The following PLPBP variants were observed in gnomAD, a reference collection of about 807,000 sequenced individuals.
The protein encoded by PLPBP is pyridoxal phosphate homeostasis protein.
In PLPBP, 21 loss-of-function variants were observed where a neutral mutation model predicts 31.2. That is an observed-to-expected ratio of 0.67 (90% CI 0.48 to 0.97). The LOEUF (loss-of-function observed/expected upper bound fraction) is 0.97, where lower values mean the gene tolerates loss of function less well. Ranked by LOEUF, PLPBP falls within the 50% of genes least tolerant of loss-of-function variation. The pLI, the probability that PLPBP is intolerant of heterozygous loss-of-function variation, is 0.00. For synonymous variants in PLPBP, 124 were observed against 135.6 expected, an observed-to-expected ratio of 0.91 and a Z score of 0.59; for missense variants, 308 against 354.4, an observed-to-expected ratio of 0.87 and a Z score of 1.05.
intron 5 of PLPBP, among the ~76,000 whole-genome samples, chr8:37,773,319 C>T (rs1311212625): frequency 6.9e-6 from 1 of 143,938 alleles, no homozygotes; most frequent in Non-Finnish European, 1.5e-5. Flanking sequence ...AGGCGTGCAC[C>T]ACCACGCCTG....
In PLPBP at chr8:37,768,793, C is replaced by T. The variant is rs561870333; in HGVS notation, c.319+2438C>T. The stretch of plus-strand genomic sequence containing the variant: ...CGGCGGTTTTGATTTTCATTAATAA[C>T]GAATGATGTTGAGCATCTCTTCATG... On this transcript the variant is annotated intron_variant, in intron 4 of 7. Coordinates refer to ENST00000328195, the MANE Select transcript of PLPBP (RefSeq NM_007198.4). Among the ~76,000 whole-genome samples, 13 of 151,872 alleles carry T rather than the reference C, an allele frequency of 8.6e-5. No individual in the cohort carries two copies. The South Asian group carries it at 2.5e-3, about 29-fold the overall frequency.
chr8:37,775,584 C>A, intron 6 of PLPBP, 103 bp downstream of exon 6: 1 of 1,508,934 alleles, frequency 6.6e-7, no homozygotes, highest in Non-Finnish European at 9.0e-7. Flanking sequence ...ATCCCAGACA[C>A]TGCCTGTTGA....
chr8:37,771,497 G>A (rs1398050672), intron 4 of PLPBP, among the ~76,000 whole-genome samples: 1 of 151,802 alleles, frequency 6.6e-6, no homozygotes, highest in African/African-American at 2.4e-5. Context: ...TGTTGGACAG[G>A]CTGGTCTTGA....
Position 37,771,100 on chromosome 8 carries a change from G to A in PLPBP, c.320-1655G>A, listed in dbSNP as rs111696699. 5.5e-3 allele frequency among the ~76,000 whole-genome samples: 833 copies of A among 152,250 alleles called. 8 individuals are homozygous for A. The highest frequency in any genetic ancestry group is 0.019 in the African/African-American group (787 of 41,550). ...TAATCCCAACACTTTGGGAGGCCAA[G>A]GTGGGAGGATCACTTGAAGCCAAAT... On this transcript the variant is annotated intron_variant, in intron 4 of 7. Coordinates refer to ENST00000328195, the MANE Select transcript of PLPBP (RefSeq NM_007198.4).
rs748658984 is a variant in PLPBP, at chr8:37,777,954, C to T, written c.697-19C>T. The T allele has an allele frequency of 6.2e-6, 10 of 1,605,252 alleles. No homozygotes were observed. The African/African-American group carries it at 1.2e-4, about 19-fold the overall frequency. On this transcript the variant is annotated intron_variant, in intron 7 of 7. Coordinates refer to ENST00000328195, the MANE Select transcript of PLPBP (RefSeq NM_007198.4). ...TTATTTTAAACCTGGTCCTCGATAC[C>T]TTCTCTTTTTTCCCACAGGTTGAAG...
In PLPBP at chr8:37,778,275, G is replaced by GC. The variant is rs1803971627; in HGVS notation, c.*172dup. ...CTCTGACATAGGAAGCTTGCTTCAG[G>GC]CAATGGCTTTGGATTGAGTTTGAGA... On this transcript the variant is annotated 3_prime_UTR_variant, in exon 8 of 8. Transcript: ENST00000328195. The GC allele has an allele frequency of 2.8e-6, 2 of 712,494 alleles. No individual in the cohort carries two copies. Among genetic ancestry groups the GC allele is most frequent in the African/African-American group, 1.8e-5 (1 of 55,776 alleles). 44.1% of individuals were successfully genotyped at this position (712,494 alleles called of 1,614,324 possible). A position where few individuals can be genotyped will look rare whatever the true frequency, so the allele number is the denominator to read the frequency against.
chr8:37,775,574 A>G, intron 6 of PLPBP, 93 bp downstream of exon 6: 1 of 1,536,954 alleles, frequency 6.5e-7, no homozygotes, highest in South Asian at 1.2e-5. Flanking sequence ...TTGCAGAGTC[A>G]TCCCAGACAC....
chr8:37,777,868 G>A (rs766923046), intron 7 of PLPBP, 105 bp from the exon 8 acceptor site: 35 of 1,342,746 alleles, frequency 2.6e-5, no homozygotes, highest in East Asian at 1.0e-4. Flanking sequence ...ACCACGCCCC[G>A]TCCATAGAAG....
At chr8:37,771,549 G>A (rs949469660) in intron 4 of PLPBP, among the ~76,000 whole-genome samples, 2 of 152,126 alleles carry the variant, frequency 1.3e-5, no homozygotes, top group African/African-American at 4.8e-5. Flanking sequence ...GCCTCCCAAA[G>A]TGTGGGGATT....
At chr8:37,764,633 A>G (rs1423113392) in intron 1 of PLPBP, among the ~76,000 whole-genome samples, 1 of 152,148 alleles carries the variant, frequency 6.6e-6, no homozygotes, top group Non-Finnish European at 1.5e-5. Context: ...ACTGGTTCTT[A>G]ATTCACAGAT....
intron 4 of PLPBP, among the ~76,000 whole-genome samples, chr8:37,768,155 C>T (rs1803682679): frequency 6.6e-6 from 1 of 152,156 alleles, no homozygotes; most frequent in Non-Finnish European, 1.5e-5. Context: ...ATAAATCCTA[C>T]TTGAAGGCTG....
chr8:37,762,891 C>A (rs1239409632), intron 1 of PLPBP, 133 bp downstream of exon 1: 5 of 1,169,126 alleles, frequency 4.3e-6, no homozygotes, highest in Non-Finnish European at 5.8e-6. Flanking sequence ...CTAGGGCCAC[C>A]GAAAGGCTAG....
chr8:37,777,866 C>A, intron 7 of PLPBP, 107 bp from the exon 8 acceptor site: 2 of 1,320,266 alleles, frequency 1.5e-6, no homozygotes, highest in East Asian at 2.6e-5. Flanking sequence ...CCACCACGCC[C>A]CGTCCATAGA....
chr8:37,774,607 G>A (rs1290259075), intron 5 of PLPBP, among the ~76,000 whole-genome samples: 1 of 152,202 alleles, frequency 6.6e-6, no homozygotes, highest in Non-Finnish European at 1.5e-5. Context: ...CAGGAACACA[G>A]TAGAGGCATC....
chr8:37,767,040 T>C lies in PLPBP; in HGVS notation c.319+685T>C, dbSNP rs559483778. Reference sequence around the variant, plus strand: ...CCAGACTAGGTAACAGAGCAAGACTTCATCCCAAAAAAAAAAAAAAAAAAA... The same window carrying C: ...CCAGACTAGGTAACAGAGCAAGACTCCATCCCAAAAAAAAAAAAAAAAAAA... On this transcript the variant is annotated intron_variant, in intron 4 of 7. Transcript: ENST00000328195. Among the ~76,000 whole-genome samples, 82 of 97,280 alleles carry C rather than the reference T, an allele frequency of 8.4e-4. 1 individual carries two copies. The South Asian group carries it at 0.019, about 23-fold the overall frequency. The allele number at this position is 97,280 out of a possible 152,430, so 63.8% of individuals were successfully genotyped here. A position where few individuals can be genotyped will look rare whatever the true frequency, so the allele number is the denominator to read the frequency against.
At chr8:37,771,751 G>C (rs1328717918) in intron 4 of PLPBP, among the ~76,000 whole-genome samples, 1 of 152,138 alleles carries the variant, frequency 6.6e-6, no homozygotes, top group Non-Finnish European at 1.5e-5. Context: ...CACGAGGTAA[G>C]GAGTTCAAGA....
intron 4 of PLPBP, among the ~76,000 whole-genome samples, chr8:37,767,980 C>T (rs1247777706): frequency 6.6e-6 from 1 of 151,494 alleles, no homozygotes; most frequent in East Asian, 1.9e-4. Flanking sequence ...TAATTTTTTA[C>T]GTTTTTAGTA....
intron 5 of PLPBP, chr8:37,775,129 A>C (rs564234356): frequency 2.2e-6 from 1 of 449,118 alleles, no homozygotes; most frequent in Non-Finnish European, 3.9e-6. Context: ...TCCAACTGAT[A>C]GTTCTTTTCT....
chr8:37,769,715 G>T (rs540252020), intron 4 of PLPBP, among the ~76,000 whole-genome samples: 1 of 152,262 alleles, frequency 6.6e-6, no homozygotes, highest in East Asian at 1.9e-4. Context: ...CTTACCAGGA[G>T]ATTCTAAAAC....
Sources: allele counts gnomAD v4.1 joint callset (sites outside exome capture counted in the v4.1 genomes callset), GRCh38; gene constraint gnomAD v4.1.1; transcripts MANE v1.5; gene names NCBI Gene and HGNC (gene_info 2026-07-23, HGNC 2026-07-21).